Variants in PHRF1 observed in about 807,000 individuals in gnomAD.
PHRF1 encodes the protein PHD and RING finger domain-containing protein 1.
PHRF1 carries 53 observed loss-of-function variants against 128.9 expected under a neutral mutation model. That is an observed-to-expected ratio of 0.41 (90% CI 0.33 to 0.52). PHRF1 has a LOEUF of 0.52. Ranked by LOEUF, PHRF1 falls within the 20% of genes least tolerant of loss-of-function variation. The pLI is 0.21. For missense variants in PHRF1, 2,503 were observed against 2,284.5 expected (o/e 1.10, Z -1.95); for synonymous variants, 1,178 against 980.6 (o/e 1.20, Z -3.76).
chr11:584,939 T>C (rs904479472), intron 3 of PHRF1, among the ~76,000 whole-genome samples: 2 of 152,126 alleles, frequency 1.3e-5, no homozygotes, highest in African/African-American at 4.8e-5. Context: ...GGTTTCACCA[T>C]GTTGGCCAGG....
In PHRF1 at chr11:605,131, A is replaced by T. The variant is rs1339537720; in HGVS notation, c.1165A>T (p.Thr389Ser). The change falls in exon 11 of 18, where the codon ACT becomes TCT. Residue 389 changes from threonine (T) to serine (S), a missense_variant. By Grantham distance (58) the Thr-to-Ser change is moderately conservative (BLOSUM62 1). Transcript: ENST00000264555. ...RGKKVKSEAT[T>S]RSRIARTLGL... Reference sequence around the variant, plus strand: ...TTACTGGATTCAGAGTGAAGCCACCACTCGCTCTCGAATCGCGCGGACGCT... The same window carrying T: ...TTACTGGATTCAGAGTGAAGCCACCTCTCGCTCTCGAATCGCGCGGACGCT... 6.2e-7 allele frequency: 1 copy of T among 1,609,114 alleles called. No homozygotes were observed. The highest frequency in any genetic ancestry group is 1.7e-5 in the Admixed American group (1 of 59,864).
At chr11:591,759 A>C (rs968692600) in intron 5 of PHRF1, among the ~76,000 whole-genome samples, 2 of 151,880 alleles carry the variant, frequency 1.3e-5, no homozygotes, top group African/African-American at 4.8e-5. Flanking sequence ...GGAGCTCTTT[A>C]TTTTTGAGAC....
intron 6 of PHRF1, among the ~76,000 whole-genome samples, chr11:594,112 GA>G (rs1044552734): frequency 2.6e-5 from 4 of 150,972 alleles, no homozygotes; most frequent in Non-Finnish European, 4.4e-5. Context: ...TGCTTAAAAA[GA>G]AAAAAAAAGG....
chr11:582,030 G>C lies in PHRF1; in HGVS notation c.163G>C (p.Asp55His). 1 of 1,607,586 alleles carries C rather than the reference G, an allele frequency of 6.2e-7. No individual in the cohort carries two copies. The highest frequency in any genetic ancestry group is 8.5e-7 in the Non-Finnish European group (1 of 1,177,156). The stretch of plus-strand genomic sequence containing the variant: ...TGACAGCGAGCATGGAGATGGCACA[G>C]ACGGAGAAGACGAGGGGGCGTCTGA... Reference protein sequence around the residue: ...DSDSEHGDGTDGEDEGASEEE... With the variant: ...DSDSEHGDGTHGEDEGASEEE... The change falls in exon 3 of 18, where the codon GAC (aspartate) becomes CAC (histidine). Residue 55 changes from aspartate to histidine, a missense_variant. Physicochemically the swap from Asp to His is moderately conservative, Grantham distance 81. Coordinates refer to ENST00000264555, the MANE Select transcript of PHRF1 (RefSeq NM_001286581.2).
chr11:586,125 T>C (rs1854542588), intron 3 of PHRF1, among the ~76,000 whole-genome samples: 1 of 152,126 alleles, frequency 6.6e-6, no homozygotes, highest in South Asian at 2.1e-4. Flanking sequence ...CCTCCCAAAG[T>C]ACTAGGATTA....
Position 607,225 on chromosome 11 carries a change from G to A in PHRF1, c.1769G>A (p.Arg590His), listed in dbSNP as rs759217986. 2.9e-5 allele frequency: 47 copies of A among 1,612,170 alleles called. No homozygotes were observed. The highest frequency in any genetic ancestry group is 2.2e-4 in the East Asian group (10 of 44,870). ...GGGCTCAGCTGTCAAGGCAGGTCCC[G>A]CACCCCCGCCCGCACCGCGGGGGCG... ...STGLSCQGRS[R>H]TPARTAGAPV... The change falls in exon 14 of 18, where the codon CGC becomes CAC. Residue 590 changes from arginine (R) to histidine (H), a missense_variant. Coordinates refer to ENST00000264555, the MANE Select transcript of PHRF1 (RefSeq NM_001286581.2).
chr11:605,509 A>G lies in PHRF1; in HGVS notation c.1335-96A>G, dbSNP rs528354120. 3.3e-6 allele frequency: 5 copies of G among 1,537,786 alleles called. No homozygotes were observed. The East Asian group carries it at 1.1e-4, about 35-fold the overall frequency. ...GAATCACACGTGCCGCCACATGGCCAGTGCTCGGCCATCCTCCTCCGTGCC... is the reference window on the plus strand; with the variant it reads ...GAATCACACGTGCCGCCACATGGCCGGTGCTCGGCCATCCTCCTCCGTGCC... On this transcript the variant is annotated intron_variant, in intron 11 of 17. Coordinates refer to ENST00000264555, the MANE Select transcript of PHRF1 (RefSeq NM_001286581.2).
rs763758710 is a variant in PHRF1, at chr11:608,377, C to T, written c.2921C>T (p.Pro974Leu). 4.2e-5 allele frequency: 67 copies of T among 1,611,246 alleles called. No homozygotes were observed. Among genetic ancestry groups the T allele is most frequent in the East Asian group, 2.7e-4 (12 of 44,840 alleles). The change falls in exon 14 of 18, where the codon CCG becomes CTG. Residue 974 changes from proline to leucine, a missense_variant. Pro to Leu is a moderately conservative substitution (Grantham distance 98). Coordinates refer to ENST00000264555, the MANE Select transcript of PHRF1 (RefSeq NM_001286581.2). Reference protein sequence around the residue: ...TVVEPEAPPSPDVLQAATHRV... With the variant: ...TVVEPEAPPSLDVLQAATHRV... ...GTGGAGCCGGAAGCCCCACCCAGCC[C>T]GGACGTGCTGCAGGCTGCCACCCAC...
At position 597,638 on chromosome 11, in the gene PHRF1, TGGGTGGGAGGGG is replaced by T; in HGVS notation, c.894+69_894+80del. ...CCCAGAGTGATCTCGGCAGTCTGGGTGGGTGGGAGGGGCGTCGTCGGCACTGTGGGGTCCGCC... is the reference window on the plus strand; with the variant it reads ...CCCAGAGTGATCTCGGCAGTCTGGGTCGTCGTCGGCACTGTGGGGTCCGCC... On this transcript the variant is annotated intron_variant, in intron 8 of 17. Transcript: ENST00000264555. This position sits in a 1 kb window ranked among gnomAD's most constrained non-coding sequence, Gnocchi z 6.5. 7.6e-7 allele frequency: 1 copy of T among 1,310,020 alleles called. No individual in the cohort carries two copies. The highest frequency in any genetic ancestry group is 1.0e-6 in the Non-Finnish European group (1 of 962,014). The allele number at this position is 1,310,020 out of a possible 1,614,324, so 81.1% of individuals were successfully genotyped here. A position where few individuals can be genotyped will look rare whatever the true frequency, so the allele number is the denominator to read the frequency against.
chr11:588,471 C>G (rs1255474754), intron 4 of PHRF1, among the ~76,000 whole-genome samples: 1 of 152,172 alleles, frequency 6.6e-6, no homozygotes, highest in East Asian at 1.9e-4. Context: ...CCTCCACCTT[C>G]CGGGTTCAAG....
At chr11:592,163 C>T (rs1235547529) in intron 5 of PHRF1, among the ~76,000 whole-genome samples, 3 of 152,088 alleles carry the variant, frequency 2.0e-5, no homozygotes, top group Non-Finnish European at 2.9e-5. Flanking sequence ...GATCCACCCA[C>T]CTCGGCCTCC....
At chr11:578,345 G>A (rs1271804214) in intron 1 of PHRF1, among the ~76,000 whole-genome samples, 2 of 152,234 alleles carry the variant, frequency 1.3e-5, no homozygotes, top group Non-Finnish European at 2.9e-5. Context: ...CTGCTGCTGT[G>A]GTGGAGGAGT....
intron 3 of PHRF1, among the ~76,000 whole-genome samples, chr11:584,685 G>GT (rs1314137876): frequency 2.0e-5 from 3 of 148,298 alleles, no homozygotes; most frequent in Non-Finnish European, 4.5e-5. Context: ...CTGGAGAGGT[G>GT]TTGGTATAGC....
rs958876045 is a variant in PHRF1, at chr11:608,834, C to T, written c.3378C>T (p.Thr1126=). Residue 1126 remains threonine (T), a synonymous_variant, in exon 14 of 18, where the codon ACC becomes ACT. Transcript: ENST00000264555. The part of the protein sequence containing the change: ...SRPRGRECSP[T]SSLERLCRHK... ...CTCGGGGAAGGGAGTGCTCCCCCAC[C>T]AGCAGCCTGGAGAGGCTCTGCAGGC... 1 of 1,612,268 alleles carries T rather than the reference C, an allele frequency of 6.2e-7. No individual in the cohort carries two copies. Among genetic ancestry groups the T allele is most frequent in the Non-Finnish European group, 8.5e-7 (1 of 1,179,834 alleles).
intron 9 of PHRF1, among the ~76,000 whole-genome samples, chr11:599,192 G>A (rs1249462251): frequency 8.1e-5 from 12 of 148,550 alleles, no homozygotes; most frequent in Admixed American, 8.0e-4. Context: ...GTTCTAATCT[G>A]TGATCTTTTA....
At chr11:600,512 A>ATATATATATATATATATATATATG (rs1437772767) in intron 9 of PHRF1, among the ~76,000 whole-genome samples, 69 of 144,494 alleles carry the variant, frequency 4.8e-4, no homozygotes, top group African/African-American at 1.7e-3. Flanking sequence ...ATATATATAT[A>ATATATATATATATATATATATATG]TATATATGGT....
In PHRF1 at chr11:597,844, G is replaced by C. The variant is rs755568882; in HGVS notation, c.894+274G>C. On this transcript the variant is annotated intron_variant, in intron 8 of 17. Coordinates refer to ENST00000264555, the MANE Select transcript of PHRF1 (RefSeq NM_001286581.2). This position sits in a 1 kb window ranked among gnomAD's most constrained non-coding sequence, Gnocchi z 6.5. ...GTGGGGGCTCTAGGAAACCCCCCTT[G>C]TTCCCCAGGCCCCATGCCAGCACCG... Among the ~76,000 whole-genome samples the C allele has an allele frequency of 6.6e-6, 1 of 152,140 alleles. No homozygotes were observed. The highest frequency in any genetic ancestry group is 1.5e-5 in the Non-Finnish European group (1 of 67,996).
rs191003484 is a variant in PHRF1, at chr11:605,175, T to A, written c.1209T>A (p.Val403=). The A allele has an allele frequency of 6.2e-7, 1 of 1,613,602 alleles. No homozygotes were observed. Among genetic ancestry groups the A allele is most frequent in the African/African-American group, 1.3e-5 (1 of 75,068 alleles). ...GGACGCTGGGCCTGCGCAGGCCTGT[T>A]CACAGCAGCTGCATCCCGTCAGTGT... ...IARTLGLRRP[V]HSSCIPSVLK... Residue 403 remains valine (V), a synonymous_variant, in exon 11 of 18, where the codon GTT becomes GTA. Coordinates refer to ENST00000264555, the MANE Select transcript of PHRF1 (RefSeq NM_001286581.2).
chr11:604,242 C>T (rs1430563340), intron 10 of PHRF1, among the ~76,000 whole-genome samples: 1 of 152,194 alleles, frequency 6.6e-6, no homozygotes, highest in Non-Finnish European at 1.5e-5. Context: ...GCTTTTTGTC[C>T]TGCATGCTGT....
Sources: gnomAD v4.1 joint callset for allele counts (sites outside exome capture counted in the v4.1 genomes callset) on GRCh38, gnomAD v4.1.1 for gene constraint, Gnocchi (gnomAD v3.1) non-coding constraint, MANE v1.5 for transcripts, NCBI Gene and HGNC (gene_info 2026-07-23, HGNC 2026-07-21) for gene names.